Variants in NAA60 observed in about 807,000 individuals in gnomAD.
NAA60 encodes the protein N-alpha-acetyltransferase 60, NatF catalytic subunit, also known as N-alpha-acetyltransferase 60.
NAA60 carries 8 observed loss-of-function variants against 26.1 expected under a neutral mutation model. That is an observed-to-expected ratio of 0.31 (90% CI 0.18 to 0.55). NAA60 has a LOEUF of 0.55. Ranked by LOEUF, NAA60 falls within the 20% of genes least tolerant of loss-of-function variation. The pLI is 0.93. For missense variants in NAA60, 290 were observed against 311.3 expected (o/e 0.93, Z 0.51); for synonymous variants, 131 against 122.5 (o/e 1.07, Z -0.46).
intron 2 of NAA60, among the ~76,000 whole-genome samples, chr16:3,449,616 T>C (rs1009973948): frequency 2.6e-5 from 4 of 152,102 alleles, no homozygotes; most frequent in African/African-American, 9.7e-5. Flanking sequence ...ACTCAGGAAA[T>C]GGAGGTTGCA....
At chr16:3,478,106 C>T (rs377079721) in intron 3 of NAA60, among the ~76,000 whole-genome samples, 2 of 118,406 alleles carry the variant, frequency 1.7e-5, no homozygotes, top group East Asian at 2.5e-4. Context: ...CCTGGTGGCA[C>T]GCACCTGTAA....
chr16:3,449,872 C>T, intron 2 of NAA60: 1 of 382,502 alleles, frequency 2.6e-6, no homozygotes, highest in Non-Finnish European at 4.6e-6. Flanking sequence ...CCTCTTTTGT[C>T]TGCCACCATG....
intron 1 of NAA60, 75 bp downstream of exon 1, chr16:3,443,912 G>T (rs1450084269): frequency 5.4e-6 from 8 of 1,472,688 alleles, no homozygotes; most frequent in Non-Finnish European, 6.3e-6. Context: ...GAGGGCGGGG[G>T]TTCGGGCCTA....
At chr16:3,450,886 G>A (rs2034757044) in intron 2 of NAA60, among the ~76,000 whole-genome samples, 1 of 152,128 alleles carries the variant, frequency 6.6e-6, no homozygotes. Context: ...TTCATCATCT[G>A]TAAAATGAGG....
At chr16:3,476,407 TG>T (rs2036487276) in intron 3 of NAA60, 70 bp downstream of exon 3, 1 of 1,289,916 alleles carries the variant, frequency 7.8e-7, no homozygotes, top group South Asian at 1.3e-5. Flanking sequence ...GCGGCGGGGG[TG>T]GGGGCCTCTT....
chr16:3,479,592 C>T lies in NAA60; in HGVS notation c.232C>T (p.His78Tyr), dbSNP rs2036695854. Residue 78 changes from histidine to tyrosine, a missense_variant, in exon 4 of 8, where the codon CAT becomes TAT. Transcript: ENST00000407558. ...VAEIKNRTKI[H>Y]KEDGDILASN... ...TGAAATTAAGAACAGGACCAAAATA[C>T]ATAAAGAGGTACGTACGTGTGTGCA... 2 of 1,614,004 alleles carry T rather than the reference C, an allele frequency of 1.2e-6. No homozygotes were observed. Among genetic ancestry groups the T allele is most frequent in the Non-Finnish European group, 1.7e-6 (2 of 1,179,866 alleles).
chr16:3,477,124 A>G (rs999607798), intron 3 of NAA60, among the ~76,000 whole-genome samples: 7 of 152,192 alleles, frequency 4.6e-5, no homozygotes, highest in Non-Finnish European at 8.8e-5. Flanking sequence ...ATTTGAAAAC[A>G]TGTACAAGAT....
At chr16:3,447,701 A>C (rs538212312) in intron 1 of NAA60, 2 of 911,110 alleles carry the variant, frequency 2.2e-6, no homozygotes, top group African/African-American at 3.6e-5. Flanking sequence ...GCAGTTAGAA[A>C]ACTGTTGCTA....
intron 1 of NAA60, 121 bp from the exon 2 acceptor site, chr16:3,448,350 A>G (rs2034639954): frequency 3.0e-6 from 2 of 671,116 alleles, no homozygotes; most frequent in East Asian, 3.0e-5. Flanking sequence ...TTTTTCCCCA[A>G]AAGGGCCCAT....
At chr16:3,460,785 T>C (rs1182289649) in intron 2 of NAA60, among the ~76,000 whole-genome samples, 1 of 152,234 alleles carries the variant, frequency 6.6e-6, no homozygotes. Flanking sequence ...AAAATGCTGA[T>C]CTGCAAAAAG....
intron 2 of NAA60, chr16:3,458,005 T>G: frequency 2.0e-6 from 2 of 985,254 alleles, no homozygotes; most frequent in Non-Finnish European, 1.2e-6. Flanking sequence ...CGGGCTGCGC[T>G]GCCGGCAGGG....
chr16:3,450,302 G>A, intron 2 of NAA60: 1 of 254,446 alleles, frequency 3.9e-6, no homozygotes. Context: ...CCATGAAGTG[G>A]TTTGTTCATG....
At chr16:3,475,976 GC>G (rs999337810) in intron 2 of NAA60, among the ~76,000 whole-genome samples, 4 of 152,238 alleles carry the variant, frequency 2.6e-5, no homozygotes, top group African/African-American at 7.2e-5. Flanking sequence ...TTCAGCTGGG[GC>G]TGAGCAGTGG....
At chr16:3,457,719 C>T (rs1419085102) in intron 2 of NAA60, among the ~76,000 whole-genome samples, 1 of 152,214 alleles carries the variant, frequency 6.6e-6, no homozygotes, top group Non-Finnish European at 1.5e-5. Context: ...TGCGGGGGGG[C>T]CACTCGGTAG....
intron 3 of NAA60, among the ~76,000 whole-genome samples, chr16:3,478,619 C>T (rs541206704): frequency 9.8e-5 from 15 of 152,316 alleles, no homozygotes; most frequent in African/African-American, 2.9e-4. Context: ...TTGCCTGCTC[C>T]GCTCAGAGGG....
chr16:3,447,515 A>T, intron 1 of NAA60: 1 of 985,376 alleles, frequency 1.0e-6, no homozygotes, highest in Non-Finnish European at 1.2e-6. Context: ...TTACTTAAAC[A>T]TAAGTATGGC....
chr16:3,448,431 C>T, intron 1 of NAA60, 40 bp from the exon 2 acceptor site: 2 of 1,507,724 alleles, frequency 1.3e-6, no homozygotes, highest in Non-Finnish European at 1.8e-6. Context: ...ATGGGATGGC[C>T]AGGAGTGAAG....
At chr16:3,477,940 C>T (rs1167573448) in intron 3 of NAA60, among the ~76,000 whole-genome samples, 3 of 152,192 alleles carry the variant, frequency 2.0e-5, no homozygotes, top group Non-Finnish European at 4.4e-5. Flanking sequence ...GTGCAGGCAC[C>T]TGTAATCCCA....
intron 2 of NAA60, among the ~76,000 whole-genome samples, chr16:3,449,226 G>A (rs2034673486): frequency 1.3e-5 from 2 of 151,896 alleles, no homozygotes; most frequent in African/African-American, 4.8e-5. Flanking sequence ...ATACAAAAAT[G>A]TAGCCGGGTG....
Sources: allele counts gnomAD v4.1 joint callset (sites outside exome capture counted in the v4.1 genomes callset), GRCh38; gene constraint gnomAD v4.1.1; transcripts MANE v1.5; gene names NCBI Gene and HGNC (gene_info 2026-07-23, HGNC 2026-07-21).